EIF4G2: variants seen among roughly 807,000 people sequenced by gnomAD.
The protein encoded by EIF4G2 is DAP-5.
Under a neutral mutation model 117.7 loss-of-function variants are expected in EIF4G2, and 8 were observed. The ratio of observed to expected loss-of-function variants is 0.07; its 90% confidence interval spans 0.04 to 0.12. EIF4G2 has a LOEUF of 0.12. EIF4G2 is among the 10% of genes least tolerant of loss of function. The pLI is 1.00. For missense variants in EIF4G2, 812 were observed against 1,086.2 expected, an observed-to-expected ratio of 0.75 and a Z score of 3.55; for synonymous variants, 413 against 367.8, an observed-to-expected ratio of 1.12 and a Z score of -1.41.
intron 21 of EIF4G2, 22 bp downstream of exon 21, chr11:10,798,970 A>G (rs902054471): frequency 6.3e-7 from 1 of 1,585,398 alleles, no homozygotes; most frequent in African/African-American, 1.4e-5. Context: ...TAAGCAGACC[A>G]AATTTTTAAC....
Position 10,800,953 on chromosome 11 carries a change from G to C in EIF4G2, c.1539+9C>G. 1 of 1,614,122 alleles carries C rather than the reference G, an allele frequency of 6.2e-7. No homozygotes were observed. The highest frequency in any genetic ancestry group is 8.5e-7 in the Non-Finnish European group (1 of 1,179,992). ...TCTTTAGAAAATGCTGTCCTACTAT[G>C]GTCTGTACCTGTCCCAGAGGTGGTG... On this transcript the variant is annotated intron_variant, in intron 15 of 21. Transcript: ENST00000339995.
In EIF4G2 at chr11:10,803,235, T is replaced by C. The variant is rs2135414674; in HGVS notation, c.873A>G (p.Pro291=). ...CCTGCAGCAGGAAACGAATCCTTGC[T>C]GGCAATTCCTTACTTAACATCAAGG... The change falls in exon 10 of 22, where the codon CCA becomes CCG. Residue 291 remains proline (P), a synonymous_variant. Coordinates refer to ENST00000339995, the MANE Select transcript of EIF4G2 (RefSeq NM_001418.4). This position sits in a 1 kb window ranked among gnomAD's most constrained non-coding sequence, Gnocchi z 4.0. The C allele has an allele frequency of 1.2e-6, 2 of 1,614,102 alleles. No individual in the cohort carries two copies. Among genetic ancestry groups the C allele is most frequent in the Non-Finnish European group, 1.7e-6 (2 of 1,180,002 alleles).
Position 10,800,246 on chromosome 11 carries a change from G to C in EIF4G2, c.1963C>G (p.Leu655Val). The change falls in exon 18 of 22, where the codon CTG becomes GTG. Residue 655 changes from leucine to valine, a missense_variant. By Grantham distance (32) the Leu-to-Val change is conservative. Around this residue, in one of 4 missense-constraint regions of EIF4G2, gnomAD observed 571 missense variants for 642.3 expected, o/e 0.89. Coordinates refer to ENST00000339995, the MANE Select transcript of EIF4G2 (RefSeq NM_001418.4). Reference sequence around the variant, plus strand: ...TGAGCTAGTTCTGAAATGCTCACCAGCTCTGAAATGATGGCACGAGCTGCA... The same window carrying C: ...TGAGCTAGTTCTGAAATGCTCACCACCTCTGAAATGATGGCACGAGCTGCA... The C allele has an allele frequency of 6.2e-7, 1 of 1,614,214 alleles. No individual in the cohort carries two copies.
intron 1 of EIF4G2, 27 bp from the exon 2 acceptor site, chr11:10,807,408 A>AG: frequency 8.9e-6 from 14 of 1,581,090 alleles, no homozygotes; most frequent in Non-Finnish European, 1.2e-5. Flanking sequence ...CACCAAAATT[A>AG]GACACTGCTA....
rs1847381638 is a variant in EIF4G2 at position 10,800,329 on chromosome 11, T to C, written c.1880A>G (p.Asp627Gly). Residue 627 changes from aspartate to glycine, a missense_variant, in exon 18 of 22, where the codon GAC (aspartate) becomes GGC (glycine). Physicochemically the swap from Asp to Gly is moderately conservative, Grantham distance 94 (BLOSUM62 -1). Transcript: ENST00000339995. ...GTCAACCTCCAGTTTGGGACACTGG[T>C]CCAATACATTCAGGAAAGCCTTGAA... 2 of 1,613,836 alleles carry C rather than the reference T, an allele frequency of 1.2e-6. No homozygotes were observed.
intron 1 of EIF4G2, chr11:10,808,264 A>G (rs1388968595): frequency 3.3e-6 from 4 of 1,198,742 alleles, no homozygotes; most frequent in Non-Finnish European, 4.2e-6. Flanking sequence ...TGCCGACTCC[A>G]GGTCCTACAC....
chr11:10,801,284 A>T, intron 14 of EIF4G2, 197 bp from the exon 15 acceptor site: 1 of 659,770 alleles, frequency 1.5e-6, no homozygotes, highest in East Asian at 2.8e-5. Flanking sequence ...CAGTAGTAAG[A>T]TACTATTATA....
rs1358486195 is a variant in EIF4G2, at chr11:10,799,487, T to TA, written c.2324+64dup. The TA allele has an allele frequency of 2.9e-5, 47 of 1,609,674 alleles. No homozygotes were observed. The African/African-American group carries it at 3.1e-4, about 11-fold the overall frequency. On this transcript the variant is annotated intron_variant, in intron 19 of 21. Coordinates refer to ENST00000339995, the MANE Select transcript of EIF4G2 (RefSeq NM_001418.4). ...GTTTTCTTGCTCAAGAGACAACTCTTAGTCTCCTACGCTTCTTTTCCAGTA... is the reference window on the plus strand; with the variant it reads ...GTTTTCTTGCTCAAGAGACAACTCTTAAGTCTCCTACGCTTCTTTTCCAGTA...
Position 10,799,600 on chromosome 11 carries a change from G to A in EIF4G2, c.2276C>T (p.Ser759Phe), listed in dbSNP as rs770154739. 3.7e-6 allele frequency: 6 copies of A among 1,614,144 alleles called. No homozygotes were observed. The highest frequency in any genetic ancestry group is 1.1e-5 in the South Asian group (1 of 91,078). Residue 759 changes from serine to phenylalanine, a missense_variant, in exon 19 of 22, where the codon TCT (serine) becomes TTT (phenylalanine). By Grantham distance (155) the Ser-to-Phe change is radical. This residue lies in a region of EIF4G2 where 571 missense variants were observed against 642.3 expected (regional missense o/e 0.89). Transcript: ENST00000339995. ...TCCTTTATCTACATGAAGTTTGGGA[G>A]AGATGTTATCTTTAATCCATTTATA...
chr11:10,802,989 C>A, intron 11 of EIF4G2, 41 bp downstream of exon 11: 8 of 1,580,350 alleles, frequency 5.1e-6, no homozygotes, highest in East Asian at 4.5e-5. Flanking sequence ...ATTCTACACA[C>A]ACAGAGTCTA....
At chr11:10,806,940 G>A (rs1391768559) in intron 2 of EIF4G2, 55 bp from the exon 3 acceptor site, 1 of 1,458,848 alleles carries the variant, frequency 6.9e-7, no homozygotes. Context: ...CACTCAAAAA[G>A]AATAAGCATC....
At position 10,797,742 on chromosome 11, in the gene EIF4G2, G is replaced by T; in HGVS notation, c.*74C>A. The T allele has an allele frequency of 2.1e-6, 3 of 1,424,168 alleles. No homozygotes were observed. The highest frequency in any genetic ancestry group is 1.8e-4 in the Middle Eastern group (1 of 5,644). The allele number at this position is 1,424,168 out of a possible 1,614,324, so 88.2% of individuals were successfully genotyped here. A position where few individuals can be genotyped will look rare whatever the true frequency, so the allele number is the denominator to read the frequency against. ...AAACATTACAGCGGAATGAATTTTC[G>T]CAGTGGTTAGGTCAAATGCAGTTAC... On this transcript the variant is annotated 3_prime_UTR_variant, in exon 22 of 22. Transcript: ENST00000339995. The surrounding 1 kb of genome is among the most constrained non-coding windows in gnomAD (Gnocchi z 4.5).
At chr11:10,802,851 T>C (rs1478174338) in intron 11 of EIF4G2, among the ~76,000 whole-genome samples, 179 bp downstream of exon 11, 3 of 152,054 alleles carry the variant, frequency 2.0e-5, no homozygotes, top group Non-Finnish European at 4.4e-5. Context: ...TGGGTGACAG[T>C]GCGAAACTCC....
Position 10,804,950 on chromosome 11 carries a change from A to G in EIF4G2, c.314T>C (p.Val105Ala). ...CCCTTTAAGGATGAGTTTAGACTCT[A>G]CACCCACATTGAGGAGCTCAAGGCA... Residue 105 changes from valine to alanine, a missense_variant, in exon 5 of 22, where the codon GTA becomes GCA. Val to Ala is a moderately conservative substitution (Grantham distance 64, BLOSUM62 0). Coordinates refer to ENST00000339995, the MANE Select transcript of EIF4G2 (RefSeq NM_001418.4). 1 of 1,614,148 alleles carries G rather than the reference A, an allele frequency of 6.2e-7. No individual in the cohort carries two copies. The highest frequency in any genetic ancestry group is 1.1e-5 in the South Asian group (1 of 91,088).
Position 10,804,922 on chromosome 11 carries a change from G to T in EIF4G2, c.342C>A (p.Val114=). 6.2e-7 allele frequency: 1 copy of T among 1,613,336 alleles called. No individual in the cohort carries two copies. Among genetic ancestry groups the T allele is most frequent in the Non-Finnish European group, 8.5e-7 (1 of 1,179,362 alleles). Residue 114 remains valine (V), a synonymous_variant, in exon 5 of 22, where the codon GTC becomes GTA. Coordinates refer to ENST00000339995, the MANE Select transcript of EIF4G2 (RefSeq NM_001418.4). ...AATATTTAAAACTTACCAGCAGTAT[G>T]ACCCCTTTAAGGATGAGTTTAGACT...
rs760123265 is a variant in EIF4G2, at chr11:10,803,921, A to G, written c.680T>C (p.Ile227Thr). 6.2e-7 allele frequency: 1 copy of G among 1,614,058 alleles called. No homozygotes were observed. The highest frequency in any genetic ancestry group is 1.3e-5 in the African/African-American group (1 of 75,058). Reference sequence around the variant, plus strand: ...TACTGTTTTGATGCACTTATGAAGGATAGATTCGTGAATAAGATCAAGCTT... The same window carrying G: ...TACTGTTTTGATGCACTTATGAAGGGTAGATTCGTGAATAAGATCAAGCTT... Residue 227 changes from isoleucine (I) to threonine (T), a missense_variant, in exon 8 of 22, where the codon ATC (isoleucine) becomes ACC (threonine). Physicochemically the swap from Ile to Thr is moderately conservative, Grantham distance 89. This residue lies in a region of EIF4G2 where 154 missense variants were observed against 322.1 expected (regional missense o/e 0.48). Transcript: ENST00000339995. The surrounding 1 kb of genome is among the most constrained non-coding windows in gnomAD (Gnocchi z 4.0).
chr11:10,808,670 G>C lies in EIF4G2; in HGVS notation c.-87+35C>G, dbSNP rs965099647. Reference sequence around the variant, plus strand: ...GACCAGGGACGGCGGCCATTTTAGAGCGCTCCACTCGGCGGCGGCAGCGGC... The same window carrying C: ...GACCAGGGACGGCGGCCATTTTAGACCGCTCCACTCGGCGGCGGCAGCGGC... On this transcript the variant is annotated intron_variant, in intron 1 of 21. Coordinates refer to ENST00000339995, the MANE Select transcript of EIF4G2 (RefSeq NM_001418.4). 4.3e-5 allele frequency: 11 copies of C among 255,768 alleles called. No individual in the cohort carries two copies. The Admixed American group carries it at 6.4e-4, about 15-fold the overall frequency. 15.8% of individuals were successfully genotyped at this position (255,768 alleles called of 1,614,324 possible). A position where few individuals can be genotyped will look rare whatever the true frequency, so the allele number is the denominator to read the frequency against.
intron 3 of EIF4G2, chr11:10,806,590 A>T: frequency 1.9e-6 from 1 of 515,698 alleles, no homozygotes; most frequent in South Asian, 2.8e-5. Flanking sequence ...CATTAGTAAA[A>T]ATAACCCAAA....
intron 21 of EIF4G2, chr11:10,798,626 C>A (rs544532047): frequency 1.3e-4 from 21 of 164,718 alleles, no homozygotes; most frequent in Admixed American, 5.8e-4. Flanking sequence ...TCAAGTGATC[C>A]TCCCACCTCA....
Sources: allele counts gnomAD v4.1 joint callset (sites outside exome capture counted in the v4.1 genomes callset), GRCh38; gene constraint gnomAD v4.1.1; regional missense constraint gnomAD v4.1.1; non-coding constraint Gnocchi (gnomAD v3.1); transcripts MANE v1.5; gene names NCBI Gene and HGNC (gene_info 2026-07-23, HGNC 2026-07-21).